The following NIN variants were observed in gnomAD, a reference collection of about 807,000 sequenced individuals.
The protein encoded by NIN is ninein.
In NIN, 137 loss-of-function variants were observed where a neutral mutation model predicts 257.6. The ratio of observed to expected loss-of-function variants is 0.53; its 90% CI spans 0.46 to 0.61. The LOEUF (loss-of-function observed/expected upper bound fraction) is 0.61, where lower values mean the gene tolerates loss of function less well. Ranked by LOEUF, NIN falls within the 20% of genes least tolerant of loss-of-function variation. The probability of loss-of-function intolerance (pLI) is 0.00; values close to 1 mark genes in which losing one functional copy is unlikely to be tolerated. For missense variants in NIN, 2,439 were observed against 2,501.2 expected (o/e 0.98, Z 0.53); for synonymous variants, 918 against 919.8 (o/e 1.00, Z 0.04).
intron 4 of NIN, among the ~76,000 whole-genome samples, chr14:50,793,835 A>G (rs577870668): frequency 7.8e-4 from 118 of 152,090 alleles, no homozygotes; most frequent in Admixed American, 5.0e-3. Context: ...ATGTTATCTC[A>G]GCTATAGATT....
intron 16 of NIN, 76 bp from the exon 17 acceptor site, chr14:50,760,435 T>TG: frequency 2.1e-6 from 2 of 942,544 alleles, no homozygotes; most frequent in Non-Finnish European, 3.0e-6. Context: ...GAGCAGCAAT[T>TG]GCTTTTTTTT....
chr14:50,744,137 GAAC>G, intron 23 of NIN, 103 bp downstream of exon 23: 2 of 1,271,096 alleles, frequency 1.6e-6, no homozygotes, highest in East Asian at 2.4e-5. Flanking sequence ...GGACACTCTG[GAAC>G]AACAGACTAC....
At position 50,725,940 on chromosome 14, in the gene NIN, C is replaced by T. The variant is rs771370759; in HGVS notation, c.6192+13G>A. ...TGTGAGGTGGGTGAACAGAGATGAC[C>T]GGGTAGGCTCACTTGTTCTTTGAGC... On this transcript the variant is annotated intron_variant, in intron 30 of 30. Transcript: ENST00000530997. 2.4e-5 allele frequency: 39 copies of T among 1,613,728 alleles called. No homozygotes were observed. The highest frequency in any genetic ancestry group is 1.6e-4 in the Middle Eastern group (1 of 6,082).
chr14:50,749,325 G>C (rs906525858), intron 21 of NIN, among the ~76,000 whole-genome samples: 2 of 152,184 alleles, frequency 1.3e-5, no homozygotes, highest in African/African-American at 4.8e-5. Context: ...ATGGATTAAA[G>C]ACTTAAATGT....
chr14:50,729,766 A>C, intron 28 of NIN, 43 bp from the exon 29 acceptor site: 1 of 1,458,426 alleles, frequency 6.9e-7, no homozygotes, highest in East Asian at 2.3e-5. Context: ...AGTCCCTTCA[A>C]TCCCAGAGCT....
At chr14:50,803,180 C>A (rs1161923235) in intron 4 of NIN, among the ~76,000 whole-genome samples, 1 of 152,122 alleles carries the variant, frequency 6.6e-6, no homozygotes, top group Non-Finnish European at 1.5e-5. Context: ...GGTGAAACCC[C>A]ATCTCTGCTA....
In NIN at chr14:50,773,141, C is replaced by T. The variant is rs563647579; in HGVS notation, c.667-46G>A. ...ATTTTAAATACTCCATTCAAGTATA[C>T]AAGGCCCAAAGTATACTTCCGGCCA... On this transcript the variant is annotated intron_variant, in intron 7 of 30. Transcript: ENST00000530997. 29 of 1,534,044 alleles carry T rather than the reference C, an allele frequency of 1.9e-5. No individual in the cohort carries two copies. The East Asian group carries it at 4.7e-4, about 25-fold the overall frequency.
chr14:50,735,402 G>A lies in NIN; in HGVS notation c.5877+114C>T, dbSNP rs2040926918. 7 of 1,403,414 alleles carry A rather than the reference G, an allele frequency of 5.0e-6. No individual in the cohort carries two copies. In the African/African-American group the frequency reaches 8.7e-5, roughly 17 times the overall value. The allele number at this position is 1,403,414 out of a possible 1,614,324, so 86.9% of individuals were successfully genotyped here. A position where few individuals can be genotyped will look rare whatever the true frequency, so the allele number is the denominator to read the frequency against. On this transcript the variant is annotated intron_variant, in intron 28 of 30. Coordinates refer to ENST00000530997, the MANE Select transcript of NIN (RefSeq NM_020921.4). ...GGACCAAAGAATTCAACTTGGCAGT[G>A]TACTTAGATTTTCACAACGGGAATT...
intron 2 of NIN, among the ~76,000 whole-genome samples, chr14:50,826,360 G>A (rs1203137872): frequency 6.6e-6 from 1 of 152,068 alleles, no homozygotes; most frequent in Non-Finnish European, 1.5e-5. Flanking sequence ...TTCTAACTGG[G>A]GATGGTTAAA....
At chr14:50,749,253 G>A (rs2041686950) in intron 21 of NIN, among the ~76,000 whole-genome samples, 1 of 152,166 alleles carries the variant, frequency 6.6e-6, no homozygotes. Flanking sequence ...AAACTGGCTA[G>A]CCATATGCAG....
rs1205054411 is a variant in NIN, at chr14:50,729,729, G to A, written c.5878-6C>T. 6.3e-7 allele frequency: 1 copy of A among 1,590,334 alleles called. No individual in the cohort carries two copies. The highest frequency in any genetic ancestry group is 8.6e-7 in the Non-Finnish European group (1 of 1,167,912). The stretch of plus-strand genomic sequence containing the variant: ...GTGGACCTCAGGTGCTGCATCTGAA[G>A]GACAAGGGCAAAGCCCTGTTCAGCT... On this transcript the variant is annotated splice_region_variant and splice_polypyrimidine_tract_variant and intron_variant, in intron 28 of 30. Coordinates refer to ENST00000530997, the MANE Select transcript of NIN (RefSeq NM_020921.4).
At position 50,777,129 on chromosome 14, in the gene NIN, C is replaced by A; in HGVS notation, c.486G>T (p.Arg162Ser). 6.2e-7 allele frequency: 1 copy of A among 1,607,060 alleles called. No individual in the cohort carries two copies. Among genetic ancestry groups the A allele is most frequent in the Non-Finnish European group, 8.5e-7 (1 of 1,176,846 alleles). ...CATTCAAGTCATCTGGGTTCCAAAA[C>A]CTTAACTGGCCTGAGAGAGAAGCAT... ...SEEYEAEGQLRFWNPDDLNAS... is the reference protein window; with the variant it reads ...SEEYEAEGQLSFWNPDDLNAS... Residue 162 changes from arginine to serine, a missense_variant, in exon 7 of 31, where the codon AGG becomes AGT. By Grantham distance (110) the Arg-to-Ser change is moderately radical (BLOSUM62 -1). Around this residue, in one of 3 missense-constraint regions of NIN, gnomAD observed 387 missense variants for 427.3 expected, o/e 0.91. Coordinates refer to ENST00000530997, the MANE Select transcript of NIN (RefSeq NM_020921.4).
intron 4 of NIN, among the ~76,000 whole-genome samples, chr14:50,795,128 T>C (rs1392032627): frequency 2.0e-5 from 3 of 152,340 alleles, no homozygotes; most frequent in East Asian, 3.9e-4. Flanking sequence ...TCTAGAGACA[T>C]CTATTAAACT....
intron 4 of NIN, among the ~76,000 whole-genome samples, chr14:50,802,543 C>T (rs2044145303): frequency 6.6e-6 from 1 of 152,150 alleles, no homozygotes; most frequent in Non-Finnish European, 1.5e-5. Flanking sequence ...GCTATAAAAA[C>T]ATGAGATATA....
chr14:50,774,877 C>A (rs1050752023), intron 7 of NIN, among the ~76,000 whole-genome samples: 2 of 151,552 alleles, frequency 1.3e-5, no homozygotes, highest in Non-Finnish European at 2.9e-5. Context: ...AAAACAATGC[C>A]GGTTAAATGG....
At chr14:50,794,012 T>C (rs1243571131) in intron 4 of NIN, among the ~76,000 whole-genome samples, 1 of 152,340 alleles carries the variant, frequency 6.6e-6, no homozygotes, top group African/African-American at 2.4e-5. Context: ...AACTCAGACA[T>C]GTAGACTTTT....
At chr14:50,804,796 A>G (rs75095972) in intron 4 of NIN, among the ~76,000 whole-genome samples, 3 of 144,894 alleles carry the variant, frequency 2.1e-5, no homozygotes, top group East Asian at 2.0e-4. Flanking sequence ...ATGAGCTAGG[A>G]AAAAAAAAAA....
Position 50,725,788 on chromosome 14 carries a change from G to T in NIN, c.6192+165C>A, listed in dbSNP as rs1262518210. Reference sequence around the variant, plus strand: ...AAAATACAGAGTTCGTATTTTTTGGGGTGATATGAGGGATAGCAAATCCTA... The same window carrying T: ...AAAATACAGAGTTCGTATTTTTTGGTGTGATATGAGGGATAGCAAATCCTA... On this transcript the variant is annotated intron_variant, in intron 30 of 30. Coordinates refer to ENST00000530997, the MANE Select transcript of NIN (RefSeq NM_020921.4). The T allele has an allele frequency of 4.1e-6, 5 of 1,227,366 alleles. No homozygotes were observed. The African/African-American group carries it at 7.6e-5, about 19-fold the overall frequency. The allele number at this position is 1,227,366 out of a possible 1,614,324, so 76.0% of individuals were successfully genotyped here. A position where few individuals can be genotyped will look rare whatever the true frequency, so the allele number is the denominator to read the frequency against.
At chr14:50,747,706 C>T (rs1050044702) in intron 22 of NIN, among the ~76,000 whole-genome samples, 1 of 150,312 alleles carries the variant, frequency 6.7e-6, no homozygotes, top group South Asian at 2.1e-4. Context: ...TGCACTCCAG[C>T]CTAGGCAACA....
Sources: allele counts gnomAD v4.1 joint callset (sites outside exome capture counted in the v4.1 genomes callset), GRCh38; gene constraint gnomAD v4.1.1; regional missense constraint gnomAD v4.1.1; transcripts MANE v1.5; gene names NCBI Gene and HGNC (gene_info 2026-07-23, HGNC 2026-07-21).